Variants in DACH1 observed in about 807,000 individuals in gnomAD.
DACH1 encodes dachshund homolog 1.
In DACH1, 12 loss-of-function variants were observed where a neutral mutation model predicts 54.2. That is an observed-to-expected ratio of 0.22 (90% CI 0.14 to 0.36). The LOEUF (loss-of-function observed/expected upper bound fraction) is 0.36. Among genes scored for constraint, DACH1 ranks in the 10% least tolerant of loss-of-function variants. The pLI is 1.00. For missense variants in DACH1, 805 were observed against 929.8 expected, an observed-to-expected ratio of 0.87 and a Z score of 1.75; for synonymous variants, 386 against 366.2, an observed-to-expected ratio of 1.05 and a Z score of -0.62.
chr13:71,621,719 A>C (rs1376659500), intron 3 of DACH1, among the ~76,000 whole-genome samples: 1 of 152,048 alleles, frequency 6.6e-6, no homozygotes, highest in Non-Finnish European at 1.5e-5. Context: ...TCATGCTGTG[A>C]AATACAAATA....
At chr13:71,536,122 A>G (rs1882779182) in intron 6 of DACH1, among the ~76,000 whole-genome samples, 1 of 152,108 alleles carries the variant, frequency 6.6e-6, no homozygotes, top group Admixed American at 6.6e-5. Flanking sequence ...AAATTTAACA[A>G]TACTGATCCA....
chr13:71,480,940 G>A (rs1188872396), intron 7 of DACH1, among the ~76,000 whole-genome samples: 1 of 67,770 alleles, frequency 1.5e-5, no homozygotes, highest in South Asian at 9.5e-4. Flanking sequence ...TCCGTGGCAG[G>A]TTGCCCCTCC....
At chr13:71,566,933 T>A (rs1221751307) in intron 4 of DACH1, among the ~76,000 whole-genome samples, 1 of 152,112 alleles carries the variant, frequency 6.6e-6, no homozygotes, top group African/African-American at 2.4e-5. Context: ...TGATGTCACA[T>A]TGCTCTAAGA....
chr13:71,559,506 A>T (rs1884454404), intron 5 of DACH1, among the ~76,000 whole-genome samples: 1 of 152,198 alleles, frequency 6.6e-6, no homozygotes, highest in Non-Finnish European at 1.5e-5. Flanking sequence ...GTGTACCAAG[A>T]CACTAGATAT....
intron 6 of DACH1, among the ~76,000 whole-genome samples, chr13:71,520,146 C>T (rs916581850): frequency 7.3e-5 from 11 of 151,082 alleles, no homozygotes; most frequent in South Asian, 2.1e-4. Context: ...GGGTTTCTTC[C>T]ATGTTTTGTC....
rs1346708714 is a variant in DACH1, at chr13:71,601,638, C to T, written c.1127-28626G>A. 2.6e-5 allele frequency among the ~76,000 whole-genome samples: 4 copies of T among 152,048 alleles called. No individual in the cohort carries two copies. The South Asian group carries it at 6.2e-4, about 24-fold the overall frequency. On this transcript the variant is annotated intron_variant, in intron 3 of 10. Transcript: ENST00000613252. ...AACAAAACAAAAACAAAAACTTATA[C>T]TTTGTTTTAAAGATTTCTGAGGACT... is the stretch of plus-strand genomic sequence containing the variant.
intron 1 of DACH1, among the ~76,000 whole-genome samples, chr13:71,855,134 C>A (rs567658938): frequency 6.6e-6 from 1 of 152,036 alleles, no homozygotes; most frequent in Admixed American, 6.6e-5. Context: ...TTATTAGAGA[C>A]TTTTATGTTT....
At chr13:71,468,130 CA>C (rs1249755367) in intron 10 of DACH1, among the ~76,000 whole-genome samples, 3 of 152,120 alleles carry the variant, frequency 2.0e-5, no homozygotes, top group African/African-American at 7.2e-5. Context: ...AATAATTCAA[CA>C]TTGTATTATA....
chr13:71,754,641 C>G (rs1473771030), intron 1 of DACH1, among the ~76,000 whole-genome samples: 1 of 151,960 alleles, frequency 6.6e-6, no homozygotes, highest in African/African-American at 2.4e-5. Flanking sequence ...TTGTAATACC[C>G]CAGGGTGTCT....
At chr13:71,762,307 T>G (rs1885432407) in intron 1 of DACH1, among the ~76,000 whole-genome samples, 1 of 152,144 alleles carries the variant, frequency 6.6e-6, no homozygotes, top group Admixed American at 6.5e-5. Flanking sequence ...TAGTCCCTCT[T>G]CTGGGGACTA....
chr13:71,834,937 G>T (rs2138217205), intron 1 of DACH1, among the ~76,000 whole-genome samples: 1 of 152,036 alleles, frequency 6.6e-6, no homozygotes, highest in Non-Finnish European at 1.5e-5. Flanking sequence ...TCCCACATTT[G>T]TCTTTCTCTC....
chr13:71,614,009 G>C (rs953894408), intron 3 of DACH1, among the ~76,000 whole-genome samples: 1 of 152,102 alleles, frequency 6.6e-6, no homozygotes, highest in Non-Finnish European at 1.5e-5. Context: ...TTGTTTGTTC[G>C]TTTGTTTTCT....
At chr13:71,693,084 TAAG>T (rs1019531843) in intron 1 of DACH1, among the ~76,000 whole-genome samples, 9 of 152,040 alleles carry the variant, frequency 5.9e-5, no homozygotes, top group African/African-American at 9.7e-5. Context: ...ATTTTTGATA[TAAG>T]AAGGACACAT....
chr13:71,445,244 A>G (rs1413444036), intron 10 of DACH1, among the ~76,000 whole-genome samples: 1 of 152,200 alleles, frequency 6.6e-6, no homozygotes, highest in Non-Finnish European at 1.5e-5. Flanking sequence ...AGCATGTTAG[A>G]AATGTTAAAG....
At chr13:71,488,415 T>A (rs549082948) in intron 7 of DACH1, among the ~76,000 whole-genome samples, 1 of 152,300 alleles carries the variant, frequency 6.6e-6, no homozygotes, top group South Asian at 2.1e-4. Flanking sequence ...ATTCATAATG[T>A]ACTGTACATA....
At chr13:71,518,639 C>T (rs1881338576) in intron 6 of DACH1, among the ~76,000 whole-genome samples, 1 of 151,770 alleles carries the variant, frequency 6.6e-6, no homozygotes, top group African/African-American at 2.4e-5. Flanking sequence ...TGTCTTAGTC[C>T]ATGTGTGTTC....
At chr13:71,462,751 T>G (rs1412396539) in intron 10 of DACH1, among the ~76,000 whole-genome samples, 1 of 151,874 alleles carries the variant, frequency 6.6e-6, no homozygotes, top group Non-Finnish European at 1.5e-5. Context: ...GTTTTACAGA[T>G]TAGGAACCCA....
At chr13:71,865,780 G>A in intron 1 of DACH1, 142 bp downstream of exon 1, 1 of 1,259,452 alleles carries the variant, frequency 7.9e-7, no homozygotes, top group South Asian at 2.7e-5. Context: ...CGAGCCCCGA[G>A]CAGGGAGAGG....
intron 1 of DACH1, among the ~76,000 whole-genome samples, chr13:71,753,506 C>A (rs374415934): frequency 1.3e-5 from 2 of 152,216 alleles, no homozygotes; most frequent in African/African-American, 4.8e-5. Flanking sequence ...TTTTTAAATG[C>A]CTTTTTCATT....
Sources: gnomAD v4.1 joint callset for allele counts (sites outside exome capture counted in the v4.1 genomes callset) on GRCh38, gnomAD v4.1.1 for gene constraint, MANE v1.5 for transcripts, NCBI Gene and HGNC (gene_info 2026-07-23, HGNC 2026-07-21) for gene names.